LHFPL3: variants seen among roughly 807,000 people sequenced by gnomAD.
LHFPL3 encodes the protein LHFPL tetraspan subfamily member 3 protein.
LHFPL3 carries 5 observed loss-of-function variants against 19.3 expected under a neutral mutation model. The ratio of observed to expected loss-of-function variants is 0.26; its 90% CI spans 0.14 to 0.54. LHFPL3 has a LOEUF of 0.54. Ranked by LOEUF, LHFPL3 falls within the 20% of genes least tolerant of loss-of-function variation. The probability of loss-of-function intolerance (pLI) is 0.94; values close to 1 mark genes in which losing one functional copy is unlikely to be tolerated. For synonymous variants in LHFPL3, 133 were observed against 126.2 expected, an observed-to-expected ratio of 1.05 and a Z score of -0.36; for missense variants, 249 against 307.4, an observed-to-expected ratio of 0.81 and a Z score of 1.42.
At chr7:104,610,586 C>A (rs1283771599) in intron 1 of LHFPL3, among the ~76,000 whole-genome samples, 2 of 152,096 alleles carry the variant, frequency 1.3e-5, no homozygotes, top group Non-Finnish European at 2.9e-5. Flanking sequence ...CAGTTCAAAT[C>A]TGAGTCTGAA....
At position 104,908,448 on chromosome 7, in the gene LHFPL3, C is replaced by T. The variant is rs1792661394; in HGVS notation, c.*2233C>T. Among the ~76,000 whole-genome samples, 1 of 150,572 alleles carries T rather than the reference C, an allele frequency of 6.6e-6. No individual in the cohort carries two copies. The highest frequency in any genetic ancestry group is 1.5e-5 in the Non-Finnish European group (1 of 67,752). On this transcript the variant is annotated 3_prime_UTR_variant, in exon 3 of 3. Transcript: ENST00000424859. ...CTCATTCTGTTCTGTTGTATTGCGT[C>T]CAAAAGTTGTGTGTAATTTTTTTAA...
intron 2 of LHFPL3, among the ~76,000 whole-genome samples, chr7:104,855,598 T>A (rs917567447): frequency 6.6e-6 from 1 of 151,810 alleles, no homozygotes; most frequent in Non-Finnish European, 1.5e-5. Context: ...TTCAGACATA[T>A]GGATATCCAA....
chr7:104,821,600 A>G (rs1340278638), intron 2 of LHFPL3, among the ~76,000 whole-genome samples: 2 of 152,152 alleles, frequency 1.3e-5, no homozygotes, highest in Non-Finnish European at 2.9e-5. Context: ...CAAAGATCGG[A>G]CCCTTTTAAA....
chr7:104,479,461 G>A (rs1051251442), intron 1 of LHFPL3, among the ~76,000 whole-genome samples: 1 of 150,922 alleles, frequency 6.6e-6, no homozygotes, highest in African/African-American at 2.4e-5. Flanking sequence ...GCATGATCTC[G>A]CCTCACTGCA....
chr7:104,502,691 A>C (rs1233831528), intron 1 of LHFPL3, among the ~76,000 whole-genome samples: 1 of 152,218 alleles, frequency 6.6e-6, no homozygotes, highest in Non-Finnish European at 1.5e-5. Flanking sequence ...AAAATGGACT[A>C]AGAAATGTGA....
intron 2 of LHFPL3, among the ~76,000 whole-genome samples, chr7:104,892,396 A>G (rs928835123): frequency 6.6e-6 from 1 of 152,070 alleles, no homozygotes; most frequent in Admixed American, 6.6e-5. Flanking sequence ...AAATCAGACA[A>G]TTTTTCTTTT....
intron 1 of LHFPL3, among the ~76,000 whole-genome samples, chr7:104,669,968 CT>C (rs1399768295): frequency 2.6e-5 from 4 of 152,106 alleles, no homozygotes; most frequent in Admixed American, 6.5e-5. Context: ...AGATTTCTAC[CT>C]TTTAGTTTTT....
intron 1 of LHFPL3, among the ~76,000 whole-genome samples, chr7:104,642,863 C>T (rs1185600587): frequency 6.6e-6 from 1 of 152,230 alleles, no homozygotes; most frequent in Non-Finnish European, 1.5e-5. Context: ...GATTATACAA[C>T]TATAACCCAG....
At chr7:104,509,221 C>G (rs1006363790) in intron 1 of LHFPL3, among the ~76,000 whole-genome samples, 2 of 151,040 alleles carry the variant, frequency 1.3e-5, no homozygotes, top group Non-Finnish European at 2.9e-5. Flanking sequence ...CTAGTATCAT[C>G]CTGATACCAA....
intron 1 of LHFPL3, among the ~76,000 whole-genome samples, chr7:104,543,435 A>T (rs1438461916): frequency 6.6e-6 from 1 of 151,988 alleles, no homozygotes; most frequent in Non-Finnish European, 1.5e-5. Flanking sequence ...AAGGATTATA[A>T]ATCATGCTGC....
chr7:104,563,014 C>G (rs993218524), intron 1 of LHFPL3, among the ~76,000 whole-genome samples: 16 of 152,308 alleles, frequency 1.1e-4, no homozygotes, highest in African/African-American at 3.8e-4. Flanking sequence ...GGTCAGGGAC[C>G]CACTTGAGGA....
At chr7:104,486,011 A>G (rs1793228455) in intron 1 of LHFPL3, among the ~76,000 whole-genome samples, 1 of 152,226 alleles carries the variant, frequency 6.6e-6, no homozygotes, top group African/African-American at 2.4e-5. Flanking sequence ...AAGATCATTT[A>G]GTCCAACCTT....
intron 2 of LHFPL3, among the ~76,000 whole-genome samples, chr7:104,809,121 C>T (rs1790420451): frequency 6.6e-6 from 1 of 152,164 alleles, no homozygotes; most frequent in South Asian, 2.1e-4. Context: ...TCTTGAACTC[C>T]TGTCCTCAAG....
chr7:104,666,397 A>G (rs1349603811), intron 1 of LHFPL3, among the ~76,000 whole-genome samples: 1 of 149,844 alleles, frequency 6.7e-6, no homozygotes, highest in Non-Finnish European at 1.5e-5. Context: ...CAACTTTTTT[A>G]GCTCCCATAT....
chr7:104,490,009 AC>A (rs1330868607), intron 1 of LHFPL3, among the ~76,000 whole-genome samples: 1 of 152,088 alleles, frequency 6.6e-6, no homozygotes, highest in Non-Finnish European at 1.5e-5. Context: ...ATGCACACCA[AC>A]CATCCAACAG....
At chr7:104,512,171 T>G (rs1204319886) in intron 1 of LHFPL3, among the ~76,000 whole-genome samples, 2 of 151,854 alleles carry the variant, frequency 1.3e-5, no homozygotes, top group Non-Finnish European at 2.9e-5. Context: ...GCCAGACTGG[T>G]CTCAAAGTCC....
At chr7:104,744,382 C>T (rs1794001853) in intron 2 of LHFPL3, among the ~76,000 whole-genome samples, 1 of 152,130 alleles carries the variant, frequency 6.6e-6, no homozygotes, top group Non-Finnish European at 1.5e-5. Flanking sequence ...TGAATTAAAA[C>T]TTTCATAAGG....
At chr7:104,753,192 A>T (rs1043593127) in intron 2 of LHFPL3, among the ~76,000 whole-genome samples, 9 of 152,204 alleles carry the variant, frequency 5.9e-5, no homozygotes, top group African/African-American at 2.2e-4. Flanking sequence ...ACTATAATAG[A>T]ACTTTAGAGT....
At chr7:104,529,214 C>G (rs902441772) in intron 1 of LHFPL3, among the ~76,000 whole-genome samples, 1 of 152,138 alleles carries the variant, frequency 6.6e-6, no homozygotes, top group Non-Finnish European at 1.5e-5. Context: ...TTGGCCAGAC[C>G]TTAGTAACAT....
Sources: allele counts gnomAD v4.1 joint callset (sites outside exome capture counted in the v4.1 genomes callset), GRCh38; gene constraint gnomAD v4.1.1; transcripts MANE v1.5; gene names NCBI Gene and HGNC (gene_info 2026-07-23, HGNC 2026-07-21).